NPC1L1: variants seen among roughly 807,000 people sequenced by gnomAD.
The protein encoded by NPC1L1 is NPC1 like intracellular cholesterol transporter 1.
A neutral mutation model predicts 117.0 loss-of-function variants in NPC1L1; 98 were observed. The observed-to-expected ratio is 0.84, with a 90% confidence interval of 0.71 to 0.99. NPC1L1 has a LOEUF of 0.99. Among genes scored for constraint, NPC1L1 ranks in the 50% least tolerant of loss-of-function variants. NPC1L1 has a pLI of 0.00. For synonymous variants in NPC1L1, 729 were observed against 727.6 expected (o/e 1.00, Z -0.03); for missense variants, 1,540 against 1,710.0 (o/e 0.90, Z 1.75).
intron 10 of NPC1L1, among the ~76,000 whole-genome samples, chr7:44,529,661 A>G (rs1003485807): frequency 6.6e-6 from 1 of 151,816 alleles, no homozygotes; most frequent in African/African-American, 2.4e-5. Context: ...TACAGGAGTG[A>G]GCCACCACTC....
chr7:44,514,533 GT>G (rs1801127251), intron 18 of NPC1L1, among the ~76,000 whole-genome samples: 1 of 151,956 alleles, frequency 6.6e-6, no homozygotes, highest in Admixed American at 6.6e-5. Context: ...GCCAGGTATG[GT>G]GGCATACACC....
At chr7:44,520,083 C>G (rs1406731203) in intron 14 of NPC1L1, among the ~76,000 whole-genome samples, 2 of 152,128 alleles carry the variant, frequency 1.3e-5, no homozygotes, top group Non-Finnish European at 2.9e-5. Flanking sequence ...AGTTTGAGAC[C>G]AGCTTGGCCA....
In NPC1L1 at chr7:44,539,935, C is replaced by T. The variant is rs746985150; in HGVS notation, c.462G>A (p.Val154=). ...TATGCTGGTAGAAGGCCTCATAGGC[C>T]ACCACAGCTGGGAGTTGTCCAGCCC... The part of the protein sequence containing the change: ...QLGAGQLPAV[V]AYEAFYQHSF... The change falls in exon 2 of 19, where the codon GTG becomes GTA. Residue 154 remains valine (V), a synonymous_variant. Coordinates refer to ENST00000381160, the MANE Select transcript of NPC1L1 (RefSeq NM_001101648.2). This position sits in a 1 kb window ranked among gnomAD's most constrained non-coding sequence, Gnocchi z 4.4. 6.2e-7 allele frequency: 1 copy of T among 1,614,216 alleles called. No homozygotes were observed. Among genetic ancestry groups the T allele is most frequent in the Non-Finnish European group, 8.5e-7 (1 of 1,180,046 alleles).
Position 44,532,094 on chromosome 7 carries a change from T to TGATC in NPC1L1, c.2529_2532dup (p.Thr845AspfsTer42). The TGATC allele has an allele frequency of 1.2e-6, 2 of 1,613,876 alleles. No homozygotes were observed. Among genetic ancestry groups the TGATC allele is most frequent in the Non-Finnish European group, 1.7e-6 (2 of 1,179,962 alleles). The stretch of plus-strand genomic sequence containing the variant: ...GGCCCACTCACCACAACACCTCGAG[T>TGATC]GATCCAGTGCAGCAGGAAGGGGGCA... On this transcript the variant is annotated frameshift_variant, in exon 9 of 19. Transcript: ENST00000381160. LOFTEE classifies it high-confidence loss of function.
chr7:44,541,317 G>A lies in NPC1L1; in HGVS notation c.-58C>T, dbSNP rs1802097789. 9 of 1,511,960 alleles carry A rather than the reference G, an allele frequency of 6.0e-6. No individual in the cohort carries two copies. 93.7% of individuals were successfully genotyped at this position (1,511,960 alleles called of 1,614,324 possible). A position where few individuals can be genotyped will look rare whatever the true frequency, so the allele number is the denominator to read the frequency against. ...GGCCAGGCCTCAGGAACAGCCAAGGGCTGAACACACATTAAGGCAGCCTCC... is the reference window on the plus strand; with the variant it reads ...GGCCAGGCCTCAGGAACAGCCAAGGACTGAACACACATTAAGGCAGCCTCC... On this transcript the variant is annotated 5_prime_UTR_variant, in exon 1 of 19. Coordinates refer to ENST00000381160, the MANE Select transcript of NPC1L1 (RefSeq NM_001101648.2).
At chr7:44,521,386 T>G (rs1407663398) in intron 12 of NPC1L1, among the ~76,000 whole-genome samples, 2 of 152,220 alleles carry the variant, frequency 1.3e-5, no homozygotes, top group Non-Finnish European at 2.9e-5. Flanking sequence ...TGCCACTGCT[T>G]TGGGCGGCAG....
In NPC1L1 at chr7:44,538,791, T is replaced by C; in HGVS notation, c.1580+26A>G. On this transcript the variant is annotated intron_variant, in intron 2 of 18. Transcript: ENST00000381160. The surrounding 1 kb of genome is among the most constrained non-coding windows in gnomAD (Gnocchi z 5.9). Reference sequence around the variant, plus strand: ...CCCAGCCCCAGCCCCAGCCCACTCCTCGCTTGGGCCCCACCATGGACTCAC... The same window carrying C: ...CCCAGCCCCAGCCCCAGCCCACTCCCCGCTTGGGCCCCACCATGGACTCAC... 2 of 1,612,084 alleles carry C rather than the reference T, an allele frequency of 1.2e-6. No individual in the cohort carries two copies. The highest frequency in any genetic ancestry group is 1.7e-6 in the Non-Finnish European group (2 of 1,178,510).
chr7:44,513,209 A>AG lies in NPC1L1; in HGVS notation c.*237dup. On this transcript the variant is annotated 3_prime_UTR_variant, in exon 19 of 19. Transcript: ENST00000381160. Reference sequence around the variant, plus strand: ...AACTTCCAGACCCAGGCCCAGGAGGAGGCACTGCCCAAGGCCTAGGTGACT... The same window carrying AG: ...AACTTCCAGACCCAGGCCCAGGAGGAGGGCACTGCCCAAGGCCTAGGTGACT... 3.6e-6 allele frequency: 2 copies of AG among 558,176 alleles called. No individual in the cohort carries two copies. The highest frequency in any genetic ancestry group is 6.5e-6 in the Non-Finnish European group (2 of 309,496). 34.6% of individuals were successfully genotyped at this position (558,176 alleles called of 1,614,324 possible). A position where few individuals can be genotyped will look rare whatever the true frequency, so the allele number is the denominator to read the frequency against.
chr7:44,540,652 C>T (rs909386497), intron 1 of NPC1L1, among the ~76,000 whole-genome samples: 1 of 152,040 alleles, frequency 6.6e-6, no homozygotes, highest in Admixed American at 6.5e-5. Flanking sequence ...TCAAAGTCAG[C>T]CTGAGTCCCC....
chr7:44,515,960 A>C lies in NPC1L1; in HGVS notation c.3639T>G (p.Phe1213Leu). Residue 1213 changes from phenylalanine (F) to leucine (L), a missense_variant, in exon 18 of 19, where the codon TTT (phenylalanine) becomes TTG (leucine). Physicochemically the swap from Phe to Leu is conservative, Grantham distance 22. Transcript: ENST00000381160. ...EATISMGSAV[F>L]AGVAMTNLPG... ...GCAGGTTGGTCATGGCCACACCTGC[A>C]AACACCTGGGGGGTTCAGAGCCAGG... 6.2e-7 allele frequency: 1 copy of C among 1,613,996 alleles called. No homozygotes were observed. Among genetic ancestry groups the C allele is most frequent in the African/African-American group, 1.3e-5 (1 of 75,052 alleles).
chr7:44,533,674 C>A (rs1801772311), intron 7 of NPC1L1, 65 bp downstream of exon 7: 1 of 1,607,006 alleles, frequency 6.2e-7, no homozygotes, highest in Non-Finnish European at 8.5e-7. Context: ...CCTCTGGGAA[C>A]TCCTAGGCCC....
chr7:44,539,885 G>A lies in NPC1L1; in HGVS notation c.512C>T (p.Ser171Phe), dbSNP rs1353945471. 1 of 1,613,976 alleles carries A rather than the reference G, an allele frequency of 6.2e-7. No individual in the cohort carries two copies. The highest frequency in any genetic ancestry group is 1.3e-5 in the African/African-American group (1 of 74,946). Residue 171 changes from serine to phenylalanine, a missense_variant, in exon 2 of 19, where the codon TCC becomes TTC. Transcript: ENST00000381160. This position sits in a 1 kb window ranked among gnomAD's most constrained non-coding sequence, Gnocchi z 4.4. The part of the protein sequence containing the change: ...QHSFAEQSYD[S>F]CSRVRVPAAA... ...TGCAGGGACGCGCACACGGCTGCAG[G>A]AGTCATAGCTCTGCTCGGCAAAGCT...
intron 14 of NPC1L1, chr7:44,518,539 T>C (rs1174979442): frequency 6.7e-6 from 2 of 298,096 alleles, no homozygotes; most frequent in Non-Finnish European, 1.4e-5. Context: ...CATAGTGGCA[T>C]GTGCCTGTAA....
At chr7:44,516,345 T>A in intron 16 of NPC1L1, 148 bp from the exon 17 acceptor site, 1 of 768,834 alleles carries the variant, frequency 1.3e-6, no homozygotes, top group Non-Finnish European at 2.3e-6. Flanking sequence ...GGCTCATGCC[T>A]ATAATCCCAA....
rs965528604 is a variant in NPC1L1, at chr7:44,538,491, G to T, written c.1580+326C>A. Among the ~76,000 whole-genome samples the T allele has an allele frequency of 1.3e-5, 2 of 152,230 alleles. No individual in the cohort carries two copies. Among genetic ancestry groups the T allele is most frequent in the African/African-American group, 4.8e-5 (2 of 41,452 alleles). ...TATAAATATGTACTCTGCCAATCGG[G>T]CTCCTCTGTCAGACTTAAAGCAAGA... is the stretch of plus-strand genomic sequence containing the variant. On this transcript the variant is annotated intron_variant, in intron 2 of 18. Coordinates refer to ENST00000381160, the MANE Select transcript of NPC1L1 (RefSeq NM_001101648.2). The surrounding 1 kb of genome is among the most constrained non-coding windows in gnomAD (Gnocchi z 5.9).
Position 44,534,690 on chromosome 7 carries a change from C to A in NPC1L1, c.1984-61G>T, listed in dbSNP as rs1801817257. On this transcript the variant is annotated intron_variant, in intron 5 of 18. Coordinates refer to ENST00000381160, the MANE Select transcript of NPC1L1 (RefSeq NM_001101648.2). This position sits in a 1 kb window ranked among gnomAD's most constrained non-coding sequence, Gnocchi z 5.2. ...AGCACCTACCCAGTATGCCCACCAG[C>A]CTCAGCTAGGCCAGACAAAGTAGCC... The A allele has an allele frequency of 2.1e-5, 33 of 1,584,468 alleles. No homozygotes were observed. Among genetic ancestry groups the A allele is most frequent in the Non-Finnish European group, 2.7e-5 (31 of 1,158,316 alleles).
intron 10 of NPC1L1, among the ~76,000 whole-genome samples, chr7:44,523,192 A>G (rs1801412651): frequency 6.6e-6 from 1 of 152,136 alleles, no homozygotes; most frequent in Non-Finnish European, 1.5e-5. Context: ...AGTAGCTAGG[A>G]TTACAGGCAT....
chr7:44,532,337 A>G, intron 8 of NPC1L1, 120 bp from the exon 9 acceptor site: 1 of 1,106,652 alleles, frequency 9.0e-7, no homozygotes, highest in Non-Finnish European at 1.3e-6. Flanking sequence ...CCTCATGGAG[A>G]CATACCAGTG....
intron 14 of NPC1L1, chr7:44,518,616 C>T: frequency 2.7e-6 from 2 of 748,760 alleles, no homozygotes; most frequent in Non-Finnish European, 3.9e-6. Flanking sequence ...TTGCAGTGAG[C>T]CGAGATTGTG....
Sources: gnomAD v4.1 joint callset for allele counts (sites outside exome capture counted in the v4.1 genomes callset) on GRCh38, gnomAD v4.1.1 for gene constraint, Gnocchi (gnomAD v3.1) non-coding constraint, MANE v1.5 for transcripts, NCBI Gene and HGNC (gene_info 2026-07-23, HGNC 2026-07-21) for gene names.